The following TIMP3 variants were observed in gnomAD, a reference collection of about 807,000 sequenced individuals.
The protein encoded by TIMP3 is TIMP metallopeptidase inhibitor 3, also known as metalloproteinase inhibitor 3.
Under a neutral mutation model 30.0 loss-of-function variants are expected in TIMP3, and 11 were observed. The observed-to-expected ratio is 0.37, with a 90% CI of 0.23 to 0.61. The LOEUF is 0.61. TIMP3 is among the 20% of genes least tolerant of loss of function. TIMP3 has a pLI of 0.70. For missense variants in TIMP3, 181 were observed against 276.8 expected, an observed-to-expected ratio of 0.65 and a Z score of 2.45; for synonymous variants, 112 against 111.3, an observed-to-expected ratio of 1.01 and a Z score of -0.04.
rs191968289 is a variant in TIMP3 at position 32,821,825 on chromosome 22, C to T, written c.121+19703C>T. On this transcript the variant is annotated intron_variant, in intron 1 of 4. Transcript: ENST00000266085. ...AAAGAGGGCCTCATGGTTCCCCCGT[C>T]ACTCACTGCCTTCCACTCCCTGCTT... 2.4e-3 allele frequency among the ~76,000 whole-genome samples: 367 copies of T among 152,338 alleles called. 3 individuals are homozygous for T. The highest frequency in any genetic ancestry group is 6.8e-3 in the Middle Eastern group (2 of 294).
intron 1 of TIMP3, among the ~76,000 whole-genome samples, chr22:32,838,677 T>G (rs950455903): frequency 2.0e-5 from 3 of 152,100 alleles, no homozygotes; most frequent in Non-Finnish European, 4.4e-5. Context: ...CATTTTTACT[T>G]GTCCCTTCCT....
chr22:32,858,589 A>G (rs775382101), intron 4 of TIMP3, among the ~76,000 whole-genome samples: 1 of 152,134 alleles, frequency 6.6e-6, no homozygotes, highest in Admixed American at 6.5e-5. Flanking sequence ...TCTCTTTACC[A>G]GGCCCATCCC....
rs1292590669 is a variant in TIMP3, at chr22:32,837,802, G to A, written c.122-11650G>A. Among the ~76,000 whole-genome samples, 2 of 152,118 alleles carry A rather than the reference G, an allele frequency of 1.3e-5. No individual in the cohort carries two copies. Among genetic ancestry groups the A allele is most frequent in the Non-Finnish European group, 2.9e-5 (2 of 68,024 alleles). On this transcript the variant is annotated intron_variant, in intron 1 of 4. Coordinates refer to ENST00000266085, the MANE Select transcript of TIMP3 (RefSeq NM_000362.5). This position sits in a 1 kb window ranked among gnomAD's most constrained non-coding sequence, Gnocchi z 4.1. ...TAAGAAATGGCACTGTCCCATGTTGGAGCAAGACCCAACCTACCAAGCTGG... is the reference window on the plus strand; with the variant it reads ...TAAGAAATGGCACTGTCCCATGTTGAAGCAAGACCCAACCTACCAAGCTGG...
chr22:32,807,346 T>G (rs1368988375), intron 1 of TIMP3, among the ~76,000 whole-genome samples: 2 of 5,772 alleles, frequency 3.5e-4, no homozygotes, highest in Admixed American at 3.8e-3. Flanking sequence ...ATATAATATA[T>G]AAATATATAA....
chr22:32,835,203 CT>C (rs1712399508), intron 1 of TIMP3, among the ~76,000 whole-genome samples: 1 of 152,168 alleles, frequency 6.6e-6, no homozygotes. Context: ...ATACACTCTT[CT>C]TAGGAAGCAA....
intron 1 of TIMP3, among the ~76,000 whole-genome samples, chr22:32,803,382 C>T (rs967441982): frequency 1.3e-5 from 2 of 151,578 alleles, no homozygotes; most frequent in African/African-American, 4.9e-5. Context: ...CCGGGAGGGG[C>T]ACTGCTGGTG....
At chr22:32,848,244 A>C (rs1425803370) in intron 1 of TIMP3, among the ~76,000 whole-genome samples, 1 of 152,110 alleles carries the variant, frequency 6.6e-6, no homozygotes, top group Non-Finnish European at 1.5e-5. Context: ...GGGTGTAATT[A>C]CTTTTGTATT....
chr22:32,853,045 T>C (rs1012687856), intron 2 of TIMP3, among the ~76,000 whole-genome samples: 1 of 152,230 alleles, frequency 6.6e-6, no homozygotes, highest in African/African-American at 2.4e-5. Flanking sequence ...TTGCATGTCC[T>C]GACTGTAGGC....
At position 32,823,113 on chromosome 22, in the gene TIMP3, A is replaced by G. The variant is rs151320914; in HGVS notation, c.121+20991A>G. Reference sequence around the variant, plus strand: ...CATTGACACATCATTTGATAATCAGATAAAAGAACAATGGTGGGAAAGCAA... The same window carrying G: ...CATTGACACATCATTTGATAATCAGGTAAAAGAACAATGGTGGGAAAGCAA... On this transcript the variant is annotated intron_variant, in intron 1 of 4. Transcript: ENST00000266085. 5.6e-4 allele frequency among the ~76,000 whole-genome samples: 86 copies of G among 152,322 alleles called. No individual in the cohort carries two copies. In the South Asian group the frequency reaches 9.1e-3, roughly 16 times the overall value.
At chr22:32,803,182 C>G (rs760304667) in intron 1 of TIMP3, among the ~76,000 whole-genome samples, 2 of 151,946 alleles carry the variant, frequency 1.3e-5, no homozygotes, top group Non-Finnish European at 2.9e-5. Context: ...CTGGGCTGGG[C>G]GGTGGGGTGG....
chr22:32,855,512 A>G (rs914776837), intron 2 of TIMP3, among the ~76,000 whole-genome samples: 12 of 152,018 alleles, frequency 7.9e-5, no homozygotes, highest in African/African-American at 2.7e-4. Flanking sequence ...CCATTTCCCA[A>G]CTGTGTGGCC....
chr22:32,830,664 C>T (rs73158332), intron 1 of TIMP3, among the ~76,000 whole-genome samples: 2,327 of 152,242 alleles, frequency 0.015, 31 homozygotes, highest in African/African-American at 0.035. Context: ...AGGGCCACCC[C>T]CCCGCCCCCG....
chr22:32,858,222 AGGCCC>A, intron 4 of TIMP3, 84 bp downstream of exon 4: 1 of 1,580,160 alleles, frequency 6.3e-7, no homozygotes, highest in Non-Finnish European at 8.6e-7. Flanking sequence ...ACTGGGTGCC[AGGCCC>A]TCGGCTGGGA....
At chr22:32,808,773 A>G (rs1569240916) in intron 1 of TIMP3, among the ~76,000 whole-genome samples, 1 of 152,218 alleles carries the variant, frequency 6.6e-6, no homozygotes, top group Non-Finnish European at 1.5e-5. Flanking sequence ...AACCTTGCCC[A>G]TATTTTAAGC....
At chr22:32,858,187 C>G (rs1324410660) in intron 4 of TIMP3, 49 bp downstream of exon 4, 2 of 1,606,520 alleles carry the variant, frequency 1.2e-6, no homozygotes, top group South Asian at 2.2e-5. Context: ...TGACTTGCAG[C>G]CCTAGAAACA....
intron 1 of TIMP3, among the ~76,000 whole-genome samples, chr22:32,817,216 TC>T (rs1210031915): frequency 1.4e-5 from 2 of 140,618 alleles, no homozygotes; most frequent in African/African-American, 5.0e-5. Context: ...AGACTCTATC[TC>T]AAAAAAAAAA....
chr22:32,849,179 G>A (rs1373772915), intron 1 of TIMP3, among the ~76,000 whole-genome samples: 12 of 152,166 alleles, frequency 7.9e-5, no homozygotes, highest in East Asian at 1.9e-4. Context: ...CCTCAGGGTC[G>A]GCGGGGGTTG....
chr22:32,805,028 T>C (rs137943032), intron 1 of TIMP3, among the ~76,000 whole-genome samples: 118 of 5,172 alleles, frequency 0.023, no homozygotes, highest in African/African-American at 0.057. Flanking sequence ...CGTGTGTGCG[T>C]GTGTGTGTGT....
chr22:32,832,734 C>T (rs2047613162), intron 1 of TIMP3, among the ~76,000 whole-genome samples: 2 of 151,244 alleles, frequency 1.3e-5, no homozygotes, highest in South Asian at 4.2e-4. Context: ...TATACTCGCC[C>T]CTCTCTTTTT....
Sources: gnomAD v4.1 joint callset for allele counts (sites outside exome capture counted in the v4.1 genomes callset) on GRCh38, gnomAD v4.1.1 for gene constraint, Gnocchi (gnomAD v3.1) non-coding constraint, MANE v1.5 for transcripts, NCBI Gene and HGNC (gene_info 2026-07-23, HGNC 2026-07-21) for gene names.